NLGN1: variants seen among roughly 807,000 people sequenced by gnomAD.
The protein encoded by NLGN1 is neuroligin-1.
NLGN1 carries 12 observed loss-of-function variants against 65.5 expected under a neutral mutation model. That is an observed-to-expected ratio of 0.18 (90% CI 0.12 to 0.30). The LOEUF is 0.30. NLGN1 is among the 10% of genes least tolerant of loss of function. NLGN1 has a pLI of 1.00. For synonymous variants in NLGN1, 350 were observed against 359.5 expected (o/e 0.97, Z 0.30); for missense variants, 750 against 1,007.1 (o/e 0.74, Z 3.46).
intron 4 of NLGN1, among the ~76,000 whole-genome samples, chr3:174,228,357 A>G (rs77722323): frequency 1.3e-5 from 2 of 152,098 alleles, no homozygotes; most frequent in East Asian, 3.9e-4. Flanking sequence ...GCAACTTCAC[A>G]TAAAAGAGAT....
chr3:174,148,961 A>G (rs75201907), intron 4 of NLGN1, among the ~76,000 whole-genome samples: 10,106 of 152,220 alleles, frequency 0.066, 432 homozygotes, highest in African/African-American at 0.12. Context: ...ACAATAGGAC[A>G]CATTTTTTTC....
At chr3:174,034,461 C>T (rs1579905795) in intron 4 of NLGN1, among the ~76,000 whole-genome samples, 1 of 151,722 alleles carries the variant, frequency 6.6e-6, no homozygotes, top group Non-Finnish European at 1.5e-5. Flanking sequence ...TAAAAGATAA[C>T]TATTAAAAAA....
At chr3:174,203,074 A>G (rs1002946263) in intron 4 of NLGN1, among the ~76,000 whole-genome samples, 1 of 152,176 alleles carries the variant, frequency 6.6e-6, no homozygotes, top group African/African-American at 2.4e-5. Flanking sequence ...AGATAAGTCT[A>G]TCTAATGTGC....
intron 4 of NLGN1, among the ~76,000 whole-genome samples, chr3:174,088,773 T>G (rs1401237953): frequency 1.4e-5 from 2 of 148,070 alleles, no homozygotes; most frequent in Non-Finnish European, 3.0e-5. Context: ...AATAAATAAA[T>G]AAATAAATAA....
chr3:174,075,106 G>A (rs559278783), intron 4 of NLGN1, among the ~76,000 whole-genome samples: 28 of 152,160 alleles, frequency 1.8e-4, no homozygotes, highest in African/African-American at 6.0e-4. Context: ...ATGTTATTTG[G>A]CAGGAGATTA....
chr3:173,953,119 TCTGCTGTTTA>T (rs1175028064), intron 4 of NLGN1, among the ~76,000 whole-genome samples: 3 of 152,232 alleles, frequency 2.0e-5, no homozygotes, highest in Admixed American at 1.3e-4. Context: ...CCATGATTAC[TCTGCTGTTTA>T]TCAGCAGTCA....
At chr3:173,841,460 A>G (rs1349627670) in intron 4 of NLGN1, among the ~76,000 whole-genome samples, 2 of 152,138 alleles carry the variant, frequency 1.3e-5, no homozygotes, top group Non-Finnish European at 2.9e-5. Flanking sequence ...GGATGAATTC[A>G]GCTATTTGTG....
intron 3 of NLGN1, among the ~76,000 whole-genome samples, chr3:173,701,513 C>CTT (rs945557345): frequency 3.9e-5 from 6 of 152,252 alleles, no homozygotes; most frequent in African/African-American, 1.2e-4. Flanking sequence ...CCCTGCAATA[C>CTT]TTTGATTTTA....
At chr3:173,857,142 G>T (rs755520166) in intron 4 of NLGN1, among the ~76,000 whole-genome samples, 2 of 151,964 alleles carry the variant, frequency 1.3e-5, no homozygotes, top group Admixed American at 1.3e-4. Flanking sequence ...AGGAGTAACC[G>T]ACAAAGGCTT....
intron 4 of NLGN1, among the ~76,000 whole-genome samples, chr3:174,192,586 A>G (rs1732596827): frequency 6.6e-6 from 1 of 152,166 alleles, no homozygotes; most frequent in Admixed American, 6.5e-5. Context: ...AGAGAAATGT[A>G]TATGTAATAA....
intron 4 of NLGN1, among the ~76,000 whole-genome samples, chr3:174,102,738 G>A (rs1303377989): frequency 6.6e-6 from 1 of 152,062 alleles, no homozygotes; most frequent in Non-Finnish European, 1.5e-5. Context: ...GACAGCCCAG[G>A]GAATTCAAGT....
chr3:174,097,662 GC>G, intron 4 of NLGN1, among the ~76,000 whole-genome samples: 1 of 152,114 alleles, frequency 6.6e-6, no homozygotes, highest in East Asian at 1.9e-4. Context: ...AGTTTATCCA[GC>G]CAGCTATGAA....
At chr3:173,784,980 G>T (rs1781731766) in intron 3 of NLGN1, among the ~76,000 whole-genome samples, 1 of 151,766 alleles carries the variant, frequency 6.6e-6, no homozygotes, top group African/African-American at 2.4e-5. Flanking sequence ...CTAGACAAAA[G>T]AATACACACA....
chr3:174,163,687 G>T (rs539851071), intron 4 of NLGN1, among the ~76,000 whole-genome samples: 1 of 152,024 alleles, frequency 6.6e-6, no homozygotes, highest in South Asian at 2.1e-4. Context: ...CACAGTATTT[G>T]GTTTTTTGTT....
chr3:174,151,919 T>C (rs1724430236), intron 4 of NLGN1, among the ~76,000 whole-genome samples: 1 of 152,098 alleles, frequency 6.6e-6, no homozygotes, highest in Non-Finnish European at 1.5e-5. Context: ...GAGAAAAAAA[T>C]ATATATACCA....
intron 2 of NLGN1, among the ~76,000 whole-genome samples, chr3:173,525,020 A>C (rs774572939): frequency 6.6e-6 from 1 of 152,132 alleles, no homozygotes; most frequent in Non-Finnish European, 1.5e-5. Flanking sequence ...ATATTGTCCT[A>C]CAGTTTTTTG....
chr3:174,018,929 T>G (rs1012352742), intron 4 of NLGN1, among the ~76,000 whole-genome samples: 4 of 152,230 alleles, frequency 2.6e-5, no homozygotes, highest in South Asian at 4.1e-4. Flanking sequence ...ATATTTATTT[T>G]GGAATATAAG....
At chr3:174,264,944 G>A (rs1372479515) in intron 4 of NLGN1, among the ~76,000 whole-genome samples, 6 of 152,136 alleles carry the variant, frequency 3.9e-5, no homozygotes, top group Non-Finnish European at 8.8e-5. Flanking sequence ...ACCCTGCTGT[G>A]TGAGGTGTCA....
chr3:173,547,690 T>C (rs1001261260), intron 2 of NLGN1, among the ~76,000 whole-genome samples: 1 of 152,162 alleles, frequency 6.6e-6, no homozygotes, highest in African/African-American at 2.4e-5. Flanking sequence ...AGATTGTTTA[T>C]TGCATTGGGA....
Sources: allele counts gnomAD v4.1 joint callset (sites outside exome capture counted in the v4.1 genomes callset), GRCh38; gene constraint gnomAD v4.1.1; transcripts MANE v1.5; gene names NCBI Gene and HGNC (gene_info 2026-07-23, HGNC 2026-07-21).